HERC3: variants seen among roughly 807,000 people sequenced by gnomAD.
HERC3 encodes HECT and RLD domain containing E3 ubiquitin protein ligase 3.
In HERC3, 58 loss-of-function variants were observed where a neutral mutation model predicts 129.9. The ratio of observed to expected loss-of-function variants is 0.45; its 90% confidence interval spans 0.36 to 0.56. The LOEUF (loss-of-function observed/expected upper bound fraction) is 0.56, where lower values mean the gene tolerates loss of function less well. HERC3 is among the 20% of genes least tolerant of loss of function. The pLI is 0.00. For missense variants in HERC3, 835 were observed against 1,244.2 expected (o/e 0.67, Z 4.95); for synonymous variants, 430 against 451.0 (o/e 0.95, Z 0.59).
chr4:88,687,521 CTTT>C (rs1578321407), intron 23 of HERC3, among the ~76,000 whole-genome samples: 2 of 152,300 alleles, frequency 1.3e-5, no homozygotes, highest in East Asian at 3.9e-4. Flanking sequence ...AGAGCTGCAT[CTTT>C]TTGGCTTTGA....
chr4:88,686,442 G>C (rs944083506), intron 21 of HERC3, among the ~76,000 whole-genome samples: 2 of 152,130 alleles, frequency 1.3e-5, no homozygotes, highest in African/African-American at 4.8e-5. Context: ...AGCTACACCA[G>C]AGTTAAGAGG....
chr4:88,541,505 A>T, the HERC3 span, among the ~76,000 whole-genome samples: 3 of 152,262 alleles, frequency 2.0e-5, no homozygotes, highest in East Asian at 5.8e-4. Flanking sequence ...AGACTTTAAC[A>T]CCCCACTGTC....
intron 3 of HERC3, among the ~76,000 whole-genome samples, chr4:88,630,190 C>T (rs1017764708): frequency 6.6e-6 from 1 of 152,066 alleles, no homozygotes; most frequent in Non-Finnish European, 1.5e-5. Context: ...TGATATTGTA[C>T]CCTTGGAAAA....
At chr4:88,596,101 G>C (rs1425368599) in intron 2 of HERC3, among the ~76,000 whole-genome samples, 2 of 151,924 alleles carry the variant, frequency 1.3e-5, no homozygotes, top group African/African-American at 4.8e-5. Flanking sequence ...CGCCTGCCTC[G>C]GCCTTCCAAA....
Position 88,686,805 on chromosome 4 carries a change from A to G in HERC3, c.2574+3A>G. On this transcript the variant is annotated splice_donor_region_variant and intron_variant, in intron 22 of 25. Coordinates refer to ENST00000402738, the MANE Select transcript of HERC3 (RefSeq NM_014606.3). ...AGACTTTCTGCCTCAACTTCACGGT[A>G]AGAATTTCCACAGTTTACTTAGGAT... 1 of 1,602,640 alleles carries G rather than the reference A, an allele frequency of 6.2e-7. No homozygotes were observed. The highest frequency in any genetic ancestry group is 1.7e-5 in the Admixed American group (1 of 59,968).
chr4:88,542,766 T>G, the HERC3 span, among the ~76,000 whole-genome samples: 4 of 152,216 alleles, frequency 2.6e-5, no homozygotes, highest in African/African-American at 9.6e-5. Context: ...ATCCCTGGGA[T>G]GCAAGGCTGG....
intron 3 of HERC3, among the ~76,000 whole-genome samples, chr4:88,609,241 T>G (rs573122799): frequency 7.5e-4 from 114 of 151,808 alleles, no homozygotes; most frequent in Admixed American, 1.3e-3. Flanking sequence ...TGTGATTGCA[T>G]CATTGCACTC....
chr4:88,653,166 A>C, intron 6 of HERC3, 76 bp downstream of exon 6: 1 of 1,400,622 alleles, frequency 7.1e-7, no homozygotes, highest in South Asian at 1.3e-5. Context: ...AGGATCTACT[A>C]TGTGCTAGCC....
the HERC3 span, among the ~76,000 whole-genome samples, chr4:88,556,839 C>G: frequency 6.6e-6 from 1 of 151,494 alleles, no homozygotes; most frequent in Non-Finnish European, 1.5e-5. Context: ...GTGTCAAAGT[C>G]TCATTCTGTT....
chr4:88,611,007 C>T (rs1159349070), intron 3 of HERC3, among the ~76,000 whole-genome samples: 2 of 152,208 alleles, frequency 1.3e-5, no homozygotes, highest in African/African-American at 4.8e-5. Flanking sequence ...GAATCCCAAG[C>T]TAGAGGTGTG....
chr4:88,627,996 A>G (rs186199167), intron 3 of HERC3, among the ~76,000 whole-genome samples: 123 of 152,234 alleles, frequency 8.1e-4, no homozygotes, highest in Non-Finnish European at 1.3e-3. Flanking sequence ...AAGTGCATCA[A>G]CGATCAAAAA....
intron 3 of HERC3, among the ~76,000 whole-genome samples, chr4:88,646,168 C>T (rs895064669): frequency 2.0e-5 from 3 of 152,160 alleles, no homozygotes; most frequent in African/African-American, 7.2e-5. Context: ...CAACCCTGTG[C>T]CCTTGCCTTA....
intron 3 of HERC3, among the ~76,000 whole-genome samples, chr4:88,644,648 G>C (rs1728502826): frequency 6.6e-6 from 1 of 152,080 alleles, no homozygotes; most frequent in Non-Finnish European, 1.5e-5. Flanking sequence ...AACATTTTTG[G>C]GGTGATGGGA....
At chr4:88,663,867 G>A (rs141294480) in intron 11 of HERC3, among the ~76,000 whole-genome samples, 100 of 152,274 alleles carry the variant, frequency 6.6e-4, no homozygotes, top group African/African-American at 2.2e-3. Context: ...TTCTTAGATG[G>A]TTGGTGGTAG....
intron 2 of HERC3, among the ~76,000 whole-genome samples, chr4:88,602,929 G>C (rs573487654): frequency 6.6e-6 from 1 of 152,286 alleles, no homozygotes; most frequent in South Asian, 2.1e-4. Flanking sequence ...CTCTTGCTCA[G>C]TTGTCAGTCT....
At chr4:88,697,279 GCCTCCT>G in intron 23 of HERC3, 1 of 1,594,226 alleles carries the variant, frequency 6.3e-7, no homozygotes, top group Non-Finnish European at 8.5e-7. Context: ...CTCTGCCGCA[GCCTCCT>G]CCTCCTCCTC....
intron 23 of HERC3, chr4:88,697,537 A>G: frequency 6.2e-7 from 1 of 1,614,124 alleles, no homozygotes; most frequent in Non-Finnish European, 8.5e-7. Context: ...CGAATTAGGC[A>G]GGCTCTCGAT....
intron 10 of HERC3, among the ~76,000 whole-genome samples, chr4:88,662,114 TC>T (rs1730553812): frequency 6.6e-6 from 1 of 152,090 alleles, no homozygotes; most frequent in Admixed American, 6.5e-5. Flanking sequence ...CCTCAGCCAG[TC>T]CCATGAGGAG....
At position 88,654,070 on chromosome 4, in the gene HERC3, C is replaced by G. The variant is rs140553444; in HGVS notation, c.714C>G (p.Leu238=). The change falls in exon 7 of 26, where the codon CTC becomes CTG. Residue 238 remains leucine (L), a synonymous_variant. Transcript: ENST00000402738. ...GAGAATCTCCATGCCATGTAAAACT[C>G]TTACGCACGCAAAAAGTTGTCTATA... is the stretch of plus-strand genomic sequence containing the variant. The part of the protein sequence containing the change: ...KDRESPCHVK[L]LRTQKVVYIS... The G allele has an allele frequency of 1.8e-4, 285 of 1,612,856 alleles. 1 individual carries two copies. Among genetic ancestry groups the G allele is most frequent in the Non-Finnish European group, 1.6e-4 (192 of 1,179,246 alleles).
Sources: gnomAD v4.1 joint callset for allele counts (sites outside exome capture counted in the v4.1 genomes callset) on GRCh38, gnomAD v4.1.1 for gene constraint, MANE v1.5 for transcripts, NCBI Gene and HGNC (gene_info 2026-07-23, HGNC 2026-07-21) for gene names.